Variants in ARSB observed in about 807,000 individuals in gnomAD.
The protein encoded by ARSB is arylsulfatase B.
In ARSB, 41 loss-of-function variants were observed where a neutral mutation model predicts 50.9. The ratio of observed to expected loss-of-function variants is 0.81; its 90% confidence interval spans 0.63 to 1.04. ARSB has a LOEUF of 1.04. Ranked by LOEUF, ARSB falls within the 50% of genes least tolerant of loss-of-function variation. ARSB has a pLI of 0.00. For synonymous variants in ARSB, 269 were observed against 284.8 expected (o/e 0.94, Z 0.56); for missense variants, 672 against 693.3 (o/e 0.97, Z 0.35).
chr5:78,970,079 A>C (rs1580145450), intron 1 of ARSB, among the ~76,000 whole-genome samples: 1 of 152,338 alleles, frequency 6.6e-6, no homozygotes, highest in East Asian at 1.9e-4. Flanking sequence ...CATAAGGTCC[A>C]TACAGCAACT....
At chr5:78,920,052 C>T (rs76822950) in intron 4 of ARSB, among the ~76,000 whole-genome samples, 1 of 151,644 alleles carries the variant, frequency 6.6e-6, no homozygotes, top group Non-Finnish European at 1.5e-5. Context: ...GAAAAAAAGG[C>T]CAGCTTCACA....
In ARSB at chr5:78,835,726, TTG is replaced by T. The variant is rs1159386333; in HGVS notation, c.1213+3628_1213+3629del. The stretch of plus-strand genomic sequence containing the variant: ...AAGGAGAGAAGCAGAGTAAGCAGCT[TTG>T]CTCCTTTGAGGTCCCATTCATATAG... On this transcript the variant is annotated intron_variant, in intron 6 of 7. Coordinates refer to ENST00000264914, the MANE Select transcript of ARSB (RefSeq NM_000046.5). Among the ~76,000 whole-genome samples, 406 of 152,272 alleles carry T rather than the reference TTG, an allele frequency of 2.7e-3. 3 individuals carry two copies. In the East Asian group the frequency reaches 0.035, roughly 13 times the overall value.
At chr5:78,889,944 T>C (rs1177847316) in intron 4 of ARSB, among the ~76,000 whole-genome samples, 2 of 152,144 alleles carry the variant, frequency 1.3e-5, no homozygotes, top group African/African-American at 2.4e-5. Context: ...CAAGGAAGGC[T>C]CTAGCAGCCT....
intron 4 of ARSB, among the ~76,000 whole-genome samples, chr5:78,919,216 T>C (rs543007575): frequency 6.6e-6 from 1 of 152,346 alleles, no homozygotes; most frequent in East Asian, 1.9e-4. Flanking sequence ...TGGAGAATGA[T>C]CATGACAGGG....
intron 4 of ARSB, among the ~76,000 whole-genome samples, chr5:78,896,953 G>A (rs1051752037): frequency 1.3e-5 from 2 of 152,060 alleles, no homozygotes; most frequent in Non-Finnish European, 2.9e-5. Flanking sequence ...ATAGGAAAAT[G>A]CGCAGGTTCA....
chr5:78,972,115 G>A (rs1039988055), intron 1 of ARSB, among the ~76,000 whole-genome samples: 10 of 152,188 alleles, frequency 6.6e-5, no homozygotes, highest in Non-Finnish European at 1.5e-4. Flanking sequence ...TTCTGATTGG[G>A]CTTAGCCAAT....
Position 78,780,404 on chromosome 5 carries a change from C to T in ARSB, c.1595G>A (p.Trp532Ter). The T allele has an allele frequency of 1.2e-6, 2 of 1,614,074 alleles. No individual in the cohort carries two copies. Among genetic ancestry groups the T allele is most frequent in the Non-Finnish European group, 1.7e-6 (2 of 1,180,016 alleles). ...DPKATGVWGP[W>*]M is the part of the protein sequence containing the mutation. ...TCTAGCCTCCCTGAAATCCTACATC[C>T]AAGGGCCCCACACCCCAGTGGCCTT... Residue 532 changes from tryptophan to a stop codon, truncating the protein, a stop_gained, in exon 8 of 8, where the codon TGG becomes TAG. Coordinates refer to ENST00000264914, the MANE Select transcript of ARSB (RefSeq NM_000046.5). LOFTEE classifies it high-confidence loss of function.
In ARSB at chr5:78,964,414, A is replaced by G. The variant is rs1267623765; in HGVS notation, c.690+2T>C. The G allele has an allele frequency of 6.2e-7, 1 of 1,613,614 alleles. No homozygotes were observed. Among genetic ancestry groups the G allele is most frequent in the Admixed American group, 1.7e-5 (1 of 60,000 alleles). On this transcript the variant is annotated splice_donor_variant, in intron 3 of 7. Transcript: ENST00000264914. LOFTEE classifies it high-confidence loss of function. ...CTATCAGTAAATAGAAGCAAAACTT[A>G]CCTTCTCTGGTGGATGGTTAGTTAT...
intron 6 of ARSB, among the ~76,000 whole-genome samples, chr5:78,784,717 G>A (rs1256898594): frequency 3.3e-5 from 5 of 149,926 alleles, no homozygotes; most frequent in Non-Finnish European, 4.4e-5. Flanking sequence ...AATATTGCCT[G>A]TTTATTCCTG....
chr5:78,901,083 G>A (rs1467948987), intron 4 of ARSB, among the ~76,000 whole-genome samples: 5 of 147,776 alleles, frequency 3.4e-5, no homozygotes, highest in Non-Finnish European at 7.5e-5. Flanking sequence ...AATGATGGTT[G>A]AATCCTTTTC....
chr5:78,912,150 C>T (rs1229116888), intron 4 of ARSB, among the ~76,000 whole-genome samples: 1 of 152,128 alleles, frequency 6.6e-6, no homozygotes, highest in Non-Finnish European at 1.5e-5. Context: ...TATCTACAAG[C>T]CAAGTGGTTC....
chr5:78,946,596 A>G (rs1326767467), intron 4 of ARSB, among the ~76,000 whole-genome samples: 4 of 152,198 alleles, frequency 2.6e-5, no homozygotes, highest in African/African-American at 9.6e-5. Flanking sequence ...CTCTACAATG[A>G]AAACTATAAA....
chr5:78,949,661 G>A (rs778272630), intron 4 of ARSB, among the ~76,000 whole-genome samples: 1 of 152,198 alleles, frequency 6.6e-6, no homozygotes, highest in Non-Finnish European at 1.5e-5. Flanking sequence ...TGTAATCCGA[G>A]CACTCTGAGA....
At chr5:78,846,777 C>G (rs1478959943) in intron 5 of ARSB, among the ~76,000 whole-genome samples, 2 of 152,154 alleles carry the variant, frequency 1.3e-5, no homozygotes, top group Non-Finnish European at 2.9e-5. Flanking sequence ...CTAGGACTTC[C>G]ATTACTCTGT....
intron 3 of ARSB, among the ~76,000 whole-genome samples, chr5:78,961,835 G>A (rs1301824908): frequency 6.6e-6 from 1 of 152,042 alleles, no homozygotes; most frequent in East Asian, 1.9e-4. Flanking sequence ...ACTGCACCAG[G>A]TGTCAGTGAT....
chr5:78,974,137 T>C (rs1276987637), intron 1 of ARSB, among the ~76,000 whole-genome samples: 1 of 152,154 alleles, frequency 6.6e-6, no homozygotes, highest in Non-Finnish European at 1.5e-5. Flanking sequence ...AAAGAACAAA[T>C]GGATAGTGGA....
intron 4 of ARSB, among the ~76,000 whole-genome samples, chr5:78,896,223 G>T (rs866506351): frequency 6.6e-6 from 1 of 152,142 alleles, no homozygotes; most frequent in East Asian, 1.9e-4. Flanking sequence ...AAGAGTCTCC[G>T]CAGGCAAGGA....
chr5:78,803,928 T>A (rs1159196166), intron 6 of ARSB, among the ~76,000 whole-genome samples: 8 of 152,258 alleles, frequency 5.3e-5, no homozygotes, highest in Admixed American at 5.2e-4. Context: ...GGCAAGGAGC[T>A]GGAGGTCTGG....
At chr5:78,838,285 C>T (rs1375156166) in intron 6 of ARSB, among the ~76,000 whole-genome samples, 4 of 152,040 alleles carry the variant, frequency 2.6e-5, no homozygotes, top group Non-Finnish European at 4.4e-5. Context: ...AGATTATAGA[C>T]AGGTAGGGAA....
Sources: allele counts gnomAD v4.1 joint callset (sites outside exome capture counted in the v4.1 genomes callset), GRCh38; gene constraint gnomAD v4.1.1; transcripts MANE v1.5; gene names NCBI Gene and HGNC (gene_info 2026-07-23, HGNC 2026-07-21).